MEGF6: variants seen among roughly 807,000 people sequenced by gnomAD.
MEGF6 encodes the protein multiple EGF like domains 6, also known as multiple epidermal growth factor-like domains protein 6.
A neutral mutation model predicts 207.1 loss-of-function variants in MEGF6; 184 were observed. That is an observed-to-expected ratio of 0.89 (90% CI 0.79 to 1.00). MEGF6 has a LOEUF of 1.00. MEGF6 is among the 50% of genes least tolerant of loss of function. The pLI is 0.00. For synonymous variants in MEGF6, 1,038 were observed against 910.0 expected, an observed-to-expected ratio of 1.14 and a Z score of -2.53; for missense variants, 2,282 against 2,202.9, an observed-to-expected ratio of 1.04 and a Z score of -0.72.
intron 1 of MEGF6, among the ~76,000 whole-genome samples, chr1:3,605,818 A>G (rs1232735632): frequency 6.6e-6 from 1 of 152,234 alleles, no homozygotes; most frequent in Non-Finnish European, 1.5e-5. Context: ...GAGATGTGGA[A>G]GAGGCACTGG....
chr1:3,501,644 C>G (rs375494368), intron 18 of MEGF6, 152 bp downstream of exon 18: 10 of 1,193,346 alleles, frequency 8.4e-6, no homozygotes, highest in African/African-American at 1.5e-5. Context: ...CAGACCCCCC[C>G]TCCCTACCCC....
At position 3,510,898 on chromosome 1, in the gene MEGF6, G is replaced by A. The variant is rs370884109; in HGVS notation, c.1119C>T (p.Val373=). Residue 373 remains valine, a synonymous_variant, in exon 10 of 37, where the codon GTC becomes GTT. Transcript: ENST00000356575. ...AGCACGGGCTGTCTGCACAGTCGTC[G>A]ACATCTGTGGAGCACACGCCACGGG... ...LDTDQRTCID[V]DDCADSPCCQ... is the part of the protein sequence containing the mutation. The A allele has an allele frequency of 2.8e-4, 454 of 1,602,860 alleles. 1 individual carries two copies. Among genetic ancestry groups the A allele is most frequent in the Non-Finnish European group, 3.7e-4 (436 of 1,171,972 alleles).
rs763133653 is a variant in MEGF6, at chr1:3,501,807, T to A, written c.2303A>T (p.Asp768Val). Residue 768 changes from aspartate (D) to valine (V), a missense_variant, in exon 18 of 37, where the codon GAC (aspartate) becomes GTC (valine). By Grantham distance (152) the Asp-to-Val change is radical (BLOSUM62 -3). Transcript: ENST00000356575. ...CRCPPGRTGE[D>V]CEADCPEGRW... is the part of the protein sequence containing the mutation. ...CGGCTGACACTCACCTGCCTCACAG[T>A]CTTCCCCAGTCCTCCCCGGCGGACA... The A allele has an allele frequency of 3.7e-6, 6 of 1,609,802 alleles. No individual in the cohort carries two copies. The highest frequency in any genetic ancestry group is 4.2e-6 in the Non-Finnish European group (5 of 1,178,684).
rs200774717 is a variant in MEGF6 at position 3,500,787 on chromosome 1, C to T, written c.2576-23G>A. 5.9e-5 allele frequency: 94 copies of T among 1,601,372 alleles called. No homozygotes were observed. In the African/African-American group the frequency reaches 1.2e-3, roughly 20 times the overall value. ...AGGCTGCAACAGAACTCAGGGTCACCCGGCGCAGGCCCAAGCGCGGGCCAC... is the reference window on the plus strand; with the variant it reads ...AGGCTGCAACAGAACTCAGGGTCACTCGGCGCAGGCCCAAGCGCGGGCCAC... On this transcript the variant is annotated intron_variant, in intron 20 of 36. Coordinates refer to ENST00000356575, the MANE Select transcript of MEGF6 (RefSeq NM_001409.4).
rs1446672223 is a variant in MEGF6 at position 3,494,591 on chromosome 1, C to T, written c.4000+22G>A. ...CACCTCCCTGAGGGGATGCTGGGGT[C>T]CCGCTGGCCCCGCACACTCACCCAG... On this transcript the variant is annotated intron_variant, in intron 31 of 36. Transcript: ENST00000356575. 4 of 1,558,390 alleles carry T rather than the reference C, an allele frequency of 2.6e-6. No individual in the cohort carries two copies. In the East Asian group the frequency reaches 7.2e-5, roughly 28 times the overall value.
chr1:3,611,001 T>G, intron 1 of MEGF6, 137 bp downstream of exon 1: 10 of 1,178,788 alleles, frequency 8.5e-6, no homozygotes, highest in Non-Finnish European at 1.1e-5. Context: ...CTCAGCCACC[T>G]CCTCCCCAGT....
At chr1:3,623,845 C>T in the MEGF6 span, among the ~76,000 whole-genome samples, 1 of 152,154 alleles carries the variant, frequency 6.6e-6, no homozygotes, top group Non-Finnish European at 1.5e-5. Flanking sequence ...CCACCGCTAC[C>T]CAGCAAACTC....
At chr1:3,613,385 C>T (rs1644352350), upstream of MEGF6, among the ~76,000 whole-genome samples, 1 of 152,230 alleles carries the variant, frequency 6.6e-6, no homozygotes, top group Non-Finnish European at 1.5e-5. Flanking sequence ...TCTCCCCCAC[C>T]CTGAGAGCTG....
intron 34 of MEGF6, chr1:3,493,338 G>A (rs1213811597): frequency 1.7e-5 from 3 of 179,062 alleles, no homozygotes; most frequent in Non-Finnish European, 2.1e-5. Context: ...GTGAGCCCCT[G>A]CTATCCTCAG....
rs57542881 is a variant in MEGF6 at position 3,512,018 on chromosome 1, G to A, written c.964C>T (p.Arg322Trp). 594 of 1,612,360 alleles carry A rather than the reference G, an allele frequency of 3.7e-4. No homozygotes were observed. The highest frequency in any genetic ancestry group is 2.1e-3 in the East Asian group (93 of 44,872). ...HAGYELGADG[R>W]QCYRIEMEIV... ...GCTGCCCACTCACGGTAGCACTGCCGGCCATCGGCGCCCAGCTCATAGCCC... is the reference window on the plus strand; with the variant it reads ...GCTGCCCACTCACGGTAGCACTGCCAGCCATCGGCGCCCAGCTCATAGCCC... Residue 322 changes from arginine to tryptophan, a missense_variant, in exon 8 of 37, where the codon CGG becomes TGG. Arg to Trp is a moderately radical substitution (Grantham distance 101). Transcript: ENST00000356575.
chr1:3,619,071 C>G, the MEGF6 span, among the ~76,000 whole-genome samples: 2 of 152,234 alleles, frequency 1.3e-5, no homozygotes, highest in Non-Finnish European at 2.9e-5. Flanking sequence ...ACCCACACTT[C>G]CCAGCGGAGA....
At position 3,508,701 on chromosome 1, in the gene MEGF6, C is replaced by T. The variant is rs1440791106; in HGVS notation, c.1529-12G>A. On this transcript the variant is annotated splice_polypyrimidine_tract_variant and intron_variant, in intron 12 of 36. Coordinates refer to ENST00000356575, the MANE Select transcript of MEGF6 (RefSeq NM_001409.4). ...GTCATCCAGGCAGACTGGGGGCAGA[C>T]CAGGATGGGGGGATTCAGAGCCTGA... 6.2e-7 allele frequency: 1 copy of T among 1,612,144 alleles called. No individual in the cohort carries two copies.
chr1:3,528,371 G>A (rs923327146), intron 4 of MEGF6, among the ~76,000 whole-genome samples: 11 of 152,214 alleles, frequency 7.2e-5, no homozygotes, highest in Admixed American at 2.6e-4. Flanking sequence ...CAAGGACCCC[G>A]CAGGTGCTGA....
intron 4 of MEGF6, among the ~76,000 whole-genome samples, chr1:3,525,898 C>T (rs1641943435): frequency 6.6e-6 from 1 of 152,190 alleles, no homozygotes. Flanking sequence ...ATCCAGGCAG[C>T]GATCGAGGCA....
intron 13 of MEGF6, among the ~76,000 whole-genome samples, chr1:3,508,247 C>T (rs1641193611): frequency 6.6e-6 from 1 of 152,214 alleles, no homozygotes; most frequent in Non-Finnish European, 1.5e-5. Flanking sequence ...GCAGACACCC[C>T]TCACTGTCTT....
At position 3,494,501 on chromosome 1, in the gene MEGF6, T is replaced by C. The variant is rs1448819552; in HGVS notation, c.4001-2A>G. On this transcript the variant is annotated splice_acceptor_variant, in intron 31 of 36. Coordinates refer to ENST00000356575, the MANE Select transcript of MEGF6 (RefSeq NM_001409.4). LOFTEE classifies it high-confidence loss of function. ...CTCCGTAGCGCCCAGGGGGACAGGC[T>C]GGGGACAGGGCAGGGTGGGCAGTCC... 6.3e-7 allele frequency: 1 copy of C among 1,589,138 alleles called. No homozygotes were observed. Among genetic ancestry groups the C allele is most frequent in the African/African-American group, 1.3e-5 (1 of 74,556 alleles).
Position 3,490,569 on chromosome 1 carries a change from TGGA to T in MEGF6, c.4582_4584del (p.Ser1529del), listed in dbSNP as rs748110388. 2 of 1,613,380 alleles carry T rather than the reference TGGA, an allele frequency of 1.2e-6. No individual in the cohort carries two copies. The highest frequency in any genetic ancestry group is 1.7e-6 in the Non-Finnish European group (2 of 1,179,882). On this transcript the variant is annotated inframe_deletion, in exon 37 of 37. Transcript: ENST00000356575. ...CCACCGCTCCGGGATGTGGGTCTGC[TGGA>T]GGCGGGCAGTGTGCCCGCTGGGGAA...
At chr1:3,600,680 C>T (rs542506483) in intron 2 of MEGF6, among the ~76,000 whole-genome samples, 20 of 152,284 alleles carry the variant, frequency 1.3e-4, no homozygotes, top group Middle Eastern at 3.4e-3. Context: ...GGAGGGGACA[C>T]AAATTGGAAA....
chr1:3,587,972 G>A (rs1211768955), intron 3 of MEGF6, among the ~76,000 whole-genome samples: 1 of 6,716 alleles, frequency 1.5e-4, no homozygotes. Flanking sequence ...GGGGGCAGGA[G>A]TGGCCAGGAG....
Sources: gnomAD v4.1 joint callset for allele counts (sites outside exome capture counted in the v4.1 genomes callset) on GRCh38, gnomAD v4.1.1 for gene constraint, MANE v1.5 for transcripts, NCBI Gene and HGNC (gene_info 2026-07-23, HGNC 2026-07-21) for gene names.